The following ATP2B2 variants were observed in gnomAD, a reference collection of about 807,000 sequenced individuals.
The protein encoded by ATP2B2 is ATPase plasma membrane Ca2+ transporting 2.
Under a neutral mutation model 120.0 loss-of-function variants are expected in ATP2B2, and 15 were observed. That is an observed-to-expected ratio of 0.12 (90% CI 0.08 to 0.19). The LOEUF (loss-of-function observed/expected upper bound fraction) is 0.19, where lower values mean the gene tolerates loss of function less well. Among genes scored for constraint, ATP2B2 ranks in the 10% least tolerant of loss-of-function variants. The pLI is 1.00. For missense variants in ATP2B2, 1,045 were observed against 1,719.8 expected (o/e 0.61, Z 6.94); for synonymous variants, 694 against 700.3 (o/e 0.99, Z 0.14).
chr3:10,501,371 C>T (rs1017732838), intron 1 of ATP2B2, among the ~76,000 whole-genome samples: 6 of 116,988 alleles, frequency 5.1e-5, no homozygotes, highest in African/African-American at 9.1e-5. Context: ...ATTTTTTAAA[C>T]GGTTTTTTTT....
intron 8 of ATP2B2, among the ~76,000 whole-genome samples, chr3:10,381,892 C>T (rs935787110): frequency 6.6e-6 from 1 of 152,186 alleles, no homozygotes; most frequent in African/African-American, 2.4e-5. Flanking sequence ...GATACACAAG[C>T]TCTGGGGAGA....
intron 3 of ATP2B2, among the ~76,000 whole-genome samples, chr3:10,512,500 A>ACACACACACACACG (rs1559431596): frequency 6.6e-6 from 1 of 150,408 alleles, no homozygotes; most frequent in Non-Finnish European, 1.5e-5. Context: ...ACACACACAC[A>ACACACACACACACG]CACACACACA....
intron 5 of ATP2B2, among the ~76,000 whole-genome samples, chr3:10,397,497 A>G (rs1177593437): frequency 6.6e-6 from 1 of 152,166 alleles, no homozygotes; most frequent in Non-Finnish European, 1.5e-5. Context: ...ACAGGCTAAA[A>G]GTGGGTCCCA....
At chr3:10,656,421 G>A (rs2070629403) in intron 1 of ATP2B2, among the ~76,000 whole-genome samples, 1 of 152,160 alleles carries the variant, frequency 6.6e-6, no homozygotes. Flanking sequence ...TTCCCCTCAG[G>A]AACTGGCTGA....
chr3:10,644,401 A>G (rs2070258488), intron 1 of ATP2B2, among the ~76,000 whole-genome samples: 1 of 152,218 alleles, frequency 6.6e-6, no homozygotes, highest in Non-Finnish European at 1.5e-5. Context: ...CAGCAATTCC[A>G]CTGCTAGGTA....
intron 5 of ATP2B2, among the ~76,000 whole-genome samples, chr3:10,395,996 A>G (rs956856221): frequency 6.6e-6 from 1 of 152,200 alleles, no homozygotes; most frequent in African/African-American, 2.4e-5. Context: ...CCTGGAGGGT[A>G]GGAAGGTAGG....
chr3:10,639,806 C>G (rs541090516), intron 1 of ATP2B2, among the ~76,000 whole-genome samples: 5 of 152,346 alleles, frequency 3.3e-5, no homozygotes, highest in African/African-American at 1.2e-4. Context: ...CCTGACCTTT[C>G]TCTCTCCTGC....
intron 2 of ATP2B2, among the ~76,000 whole-genome samples, chr3:10,606,901 A>ACACG (rs2069085081): frequency 3.2e-5 from 1 of 31,090 alleles, no homozygotes; most frequent in Admixed American, 3.4e-4. Flanking sequence ...ACACACACAC[A>ACACG]CACACACACA....
rs1010682813 is a variant in ATP2B2 at position 10,343,456 on chromosome 3, C to T, written c.2704-491G>A. On this transcript the variant is annotated intron_variant, in intron 18 of 22. Transcript: ENST00000360273. The surrounding 1 kb of genome is among the most constrained non-coding windows in gnomAD (Gnocchi z 4.2). ...CGCCTTACCTTAAAAAATTATTGTG[C>T]GTATCTATGACTCAAAAATTAATAC... Among the ~76,000 whole-genome samples, 3 of 143,836 alleles carry T rather than the reference C, an allele frequency of 2.1e-5. 1 individual carries two copies. Among genetic ancestry groups the T allele is most frequent in the Non-Finnish European group, 4.5e-5 (3 of 66,750 alleles). 94.4% of individuals were successfully genotyped at this position (143,836 alleles called of 152,430 possible).
In ATP2B2 at chr3:10,369,234, G is replaced by A. The variant is rs2061157344; in HGVS notation, c.1659+2575C>T. On this transcript the variant is annotated intron_variant, in intron 12 of 22. Coordinates refer to ENST00000360273, the MANE Select transcript of ATP2B2 (RefSeq NM_001001331.4). ...ATTTCCTGTCCTGGTTTGGAGGGTG[G>A]CCGGATGTCTGCCCTGAGCAGAGCA... Among the ~76,000 whole-genome samples, 4 of 152,304 alleles carry A rather than the reference G, an allele frequency of 2.6e-5. No individual in the cohort carries two copies. In the South Asian group the frequency reaches 8.3e-4, roughly 32 times the overall value.
chr3:10,589,027 A>G (rs2068581216), intron 2 of ATP2B2, among the ~76,000 whole-genome samples: 1 of 152,158 alleles, frequency 6.6e-6, no homozygotes, highest in African/African-American at 2.4e-5. Context: ...GCGGGCGGCA[A>G]GAAGGGGACA....
chr3:10,445,195 A>T (rs947394119), intron 2 of ATP2B2, among the ~76,000 whole-genome samples: 2 of 152,262 alleles, frequency 1.3e-5, no homozygotes, highest in African/African-American at 4.8e-5. Flanking sequence ...TGCCTTGCAC[A>T]GTGGCTTATC....
intron 12 of ATP2B2, among the ~76,000 whole-genome samples, chr3:10,360,515 A>C (rs1270463441): frequency 4.6e-5 from 7 of 152,188 alleles, no homozygotes. Context: ...ACCTCTCCCC[A>C]TCTGCATAAT....
chr3:10,582,136 C>T (rs2068404503), intron 2 of ATP2B2, among the ~76,000 whole-genome samples: 1 of 152,116 alleles, frequency 6.6e-6, no homozygotes, highest in South Asian at 2.1e-4. Flanking sequence ...TTCCCTGTTC[C>T]AAAGCAGCAT....
rs61584604 is a variant in ATP2B2, at chr3:10,335,930, T to C, written c.3420+2246A>G. ...ACCCTAATGACCCTCTGACTGACCC[T>C]GGTCCACTGAGTGACTGCCACCGCA... On this transcript the variant is annotated intron_variant, in intron 22 of 22. Transcript: ENST00000360273. 3.1e-3 allele frequency among the ~76,000 whole-genome samples: 465 copies of C among 152,322 alleles called. 28 individuals carry two copies. In the East Asian group the frequency reaches 0.076, roughly 25 times the overall value.
intron 2 of ATP2B2, among the ~76,000 whole-genome samples, chr3:10,573,691 C>T (rs1282334653): frequency 6.6e-6 from 1 of 152,190 alleles, no homozygotes; most frequent in African/African-American, 2.4e-5. Context: ...TATGCTGAGC[C>T]AGGCTCCAGA....
At chr3:10,671,831 C>G (rs1237974085) in intron 1 of ATP2B2, among the ~76,000 whole-genome samples, 1 of 152,104 alleles carries the variant, frequency 6.6e-6, no homozygotes, top group Non-Finnish European at 1.5e-5. Flanking sequence ...AGGAGAGACC[C>G]AAAGACACTG....
chr3:10,532,209 C>A (rs2067224537), intron 3 of ATP2B2, among the ~76,000 whole-genome samples: 1 of 152,176 alleles, frequency 6.6e-6, no homozygotes, highest in Non-Finnish European at 1.5e-5. Context: ...GTTCATCCCT[C>A]CCCAGTCCCA....
At chr3:10,389,487 T>C (rs1575093790) in intron 5 of ATP2B2, among the ~76,000 whole-genome samples, 1 of 152,122 alleles carries the variant, frequency 6.6e-6, no homozygotes, top group African/African-American at 2.4e-5. Flanking sequence ...AGTAAGTAAG[T>C]GAGCCAGCCA....
Sources: allele counts gnomAD v4.1 joint callset (sites outside exome capture counted in the v4.1 genomes callset), GRCh38; gene constraint gnomAD v4.1.1; non-coding constraint Gnocchi (gnomAD v3.1); transcripts MANE v1.5; gene names NCBI Gene and HGNC (gene_info 2026-07-23, HGNC 2026-07-21).